Variants in KLHL29 observed in about 807,000 individuals in gnomAD.
The protein encoded by KLHL29 is kelch-like protein 29.
Under a neutral mutation model 80.4 loss-of-function variants are expected in KLHL29, and 21 were observed. The observed-to-expected ratio is 0.26, with a 90% confidence interval of 0.19 to 0.38. KLHL29 has a LOEUF of 0.38. KLHL29 is among the 10% of genes least tolerant of loss of function. The pLI is 1.00. For missense variants in KLHL29, 867 were observed against 1,223.9 expected (o/e 0.71, Z 4.35); for synonymous variants, 511 against 526.8 (o/e 0.97, Z 0.41).
At chr2:23,638,180 T>G (rs2149155396) in intron 3 of KLHL29, among the ~76,000 whole-genome samples, 1 of 152,158 alleles carries the variant, frequency 6.6e-6, no homozygotes, top group East Asian at 1.9e-4. Context: ...CTGTTAACAT[T>G]TTGGTCATTT....
chr2:23,708,167 G>A lies in KLHL29; in HGVS notation c.*1503G>A, dbSNP rs1473778899. 1 of 152,228 alleles carries A rather than the reference G, an allele frequency of 6.6e-6. No homozygotes were observed. Among genetic ancestry groups the A allele is most frequent in the Non-Finnish European group, 1.5e-5 (1 of 68,048 alleles). The allele number at this position is 152,228 out of a possible 1,614,324, so 9.4% of individuals were successfully genotyped here. A position where few individuals can be genotyped will look rare whatever the true frequency, so the allele number is the denominator to read the frequency against. ...GATGACACAAAATTCCAGTTCTAAC[G>A]TTGGGCATCAACTTCTAGCACTACG... is the stretch of plus-strand genomic sequence containing the variant. On this transcript the variant is annotated 3_prime_UTR_variant, in exon 14 of 14. Coordinates refer to ENST00000486442, the MANE Select transcript of KLHL29 (RefSeq NM_052920.2).
intron 3 of KLHL29, among the ~76,000 whole-genome samples, chr2:23,585,786 T>C (rs1315430351): frequency 1.3e-5 from 2 of 152,020 alleles, no homozygotes. Flanking sequence ...AAGGAAACAG[T>C]GCCAAGCCCA....
At chr2:23,470,119 T>A (rs2103434488) in intron 1 of KLHL29, among the ~76,000 whole-genome samples, 1 of 152,224 alleles carries the variant, frequency 6.6e-6, no homozygotes, top group South Asian at 2.1e-4. Flanking sequence ...TAACTTAGGA[T>A]CCAGTCCAAC....
At chr2:23,619,015 C>T (rs1270244947) in intron 3 of KLHL29, among the ~76,000 whole-genome samples, 50 of 152,208 alleles carry the variant, frequency 3.3e-4, no homozygotes. Flanking sequence ...TCCTTCCCCT[C>T]CAGGGGAACA....
At chr2:23,444,534 C>G (rs973961648) in intron 1 of KLHL29, among the ~76,000 whole-genome samples, 10 of 152,098 alleles carry the variant, frequency 6.6e-5, no homozygotes, top group African/African-American at 2.4e-4. Flanking sequence ...CGATGTTGAC[C>G]AGGCTGGGCT....
chr2:23,619,661 C>G (rs1266978788), intron 3 of KLHL29, among the ~76,000 whole-genome samples: 1 of 152,078 alleles, frequency 6.6e-6, no homozygotes, highest in African/African-American at 2.4e-5. Flanking sequence ...GGTGTCAGGA[C>G]TCCCCTATTA....
chr2:23,463,122 G>C (rs1176980477), intron 1 of KLHL29, among the ~76,000 whole-genome samples: 1 of 141,272 alleles, frequency 7.1e-6, no homozygotes, highest in Non-Finnish European at 1.5e-5. Flanking sequence ...GTGACTTTTT[G>C]AGTCCTCTGA....
At chr2:23,496,980 A>C (rs1665284327) in intron 2 of KLHL29, among the ~76,000 whole-genome samples, 1 of 152,088 alleles carries the variant, frequency 6.6e-6, no homozygotes, top group South Asian at 2.1e-4. Context: ...CATGAAATCA[A>C]TTCTGTAAAT....
At chr2:23,587,245 C>CTT (rs34675398) in intron 3 of KLHL29, among the ~76,000 whole-genome samples, 92,412 of 146,644 alleles carry the variant, frequency 0.63, 29,692 homozygotes, top group East Asian at 0.76. Context: ...GGCCAATTTA[C>CTT]TTTTTTTTTT....
chr2:23,487,787 G>C (rs912970833), intron 2 of KLHL29, among the ~76,000 whole-genome samples: 27 of 152,130 alleles, frequency 1.8e-4, no homozygotes, highest in Non-Finnish European at 1.9e-4. Flanking sequence ...TTTCTTCTCA[G>C]GGAAAAACAG....
chr2:23,641,345 C>G (rs1336616735), intron 4 of KLHL29, among the ~76,000 whole-genome samples: 1 of 152,196 alleles, frequency 6.6e-6, no homozygotes, highest in African/African-American at 2.4e-5. Flanking sequence ...TTGCTTAGCA[C>G]AAGGCCTGCC....
At chr2:23,643,514 G>A (rs570791866) in intron 5 of KLHL29, 42 of 170,250 alleles carry the variant, frequency 2.5e-4, no homozygotes, top group Admixed American at 2.2e-4. Flanking sequence ...CAGGGAACTC[G>A]AAGGTAGATC....
At chr2:23,544,766 G>A (rs1364130582) in intron 2 of KLHL29, among the ~76,000 whole-genome samples, 5 of 152,188 alleles carry the variant, frequency 3.3e-5, no homozygotes, top group Non-Finnish European at 7.3e-5. Flanking sequence ...AGGGAGCAGT[G>A]TGTGCAAAGG....
intron 1 of KLHL29, among the ~76,000 whole-genome samples, chr2:23,433,950 G>C (rs1013744239): frequency 1.3e-5 from 2 of 151,940 alleles, no homozygotes; most frequent in African/African-American, 4.8e-5. Flanking sequence ...AACTGTTCAA[G>C]ATCCAAGTGC....
intron 2 of KLHL29, among the ~76,000 whole-genome samples, chr2:23,542,519 G>C (rs1666864937): frequency 6.6e-6 from 1 of 152,134 alleles, no homozygotes; most frequent in African/African-American, 2.4e-5. Context: ...TTGGCTATTT[G>C]GGGAATTGCT....
intron 3 of KLHL29, among the ~76,000 whole-genome samples, chr2:23,606,830 C>T (rs1462961319): frequency 1.3e-5 from 2 of 152,144 alleles, no homozygotes; most frequent in African/African-American, 4.8e-5. Flanking sequence ...TATCTTAGCC[C>T]ATTCAGGCTG....
chr2:23,499,044 T>C (rs1216788991), intron 2 of KLHL29, among the ~76,000 whole-genome samples: 1 of 152,236 alleles, frequency 6.6e-6, no homozygotes, highest in Admixed American at 6.5e-5. Flanking sequence ...ATATTAGGCA[T>C]AGGAGGAATC....
chr2:23,686,427 C>G (rs1257125825), intron 6 of KLHL29, among the ~76,000 whole-genome samples: 2 of 152,180 alleles, frequency 1.3e-5, no homozygotes, highest in African/African-American at 4.8e-5. Context: ...GTCACGTCCT[C>G]TCCTGCGCCC....
At chr2:23,427,531 T>G (rs1663036274) in intron 1 of KLHL29, among the ~76,000 whole-genome samples, 1 of 152,206 alleles carries the variant, frequency 6.6e-6, no homozygotes, top group African/African-American at 2.4e-5. Flanking sequence ...CATCCGTGTT[T>G]ATTAGTTTAT....
Sources: gnomAD v4.1 joint callset for allele counts (sites outside exome capture counted in the v4.1 genomes callset) on GRCh38, gnomAD v4.1.1 for gene constraint, MANE v1.5 for transcripts, NCBI Gene and HGNC (gene_info 2026-07-23, HGNC 2026-07-21) for gene names.